The following ROR2 variants were observed in gnomAD, a reference collection of about 807,000 sequenced individuals.
The protein encoded by ROR2 is ROR family WNT receptor 2, also known as tyrosine-protein kinase transmembrane receptor ROR2.
Under a neutral mutation model 74.9 loss-of-function variants are expected in ROR2, and 33 were observed. The ratio of observed to expected loss-of-function variants is 0.44; its 90% CI spans 0.33 to 0.59. The LOEUF is 0.59. Ranked by LOEUF, ROR2 falls within the 20% of genes least tolerant of loss-of-function variation. The pLI, the probability that ROR2 is intolerant of heterozygous loss-of-function variation, is 0.02. For synonymous variants in ROR2, 586 were observed against 558.7 expected, an observed-to-expected ratio of 1.05 and a Z score of -0.69; for missense variants, 1,216 against 1,313.8, an observed-to-expected ratio of 0.93 and a Z score of 1.15.
chr9:91,743,148 A>G (rs1825302825), intron 4 of ROR2, among the ~76,000 whole-genome samples: 1 of 152,238 alleles, frequency 6.6e-6, no homozygotes, highest in Non-Finnish European at 1.5e-5. Flanking sequence ...ATGACTGTAT[A>G]ACAGAGTGGA....
At chr9:91,909,012 T>G (rs972568283) in intron 1 of ROR2, among the ~76,000 whole-genome samples, 7 of 152,172 alleles carry the variant, frequency 4.6e-5, no homozygotes, top group Non-Finnish European at 8.8e-5. Context: ...GAAACCACAA[T>G]GACCCCAAAC....
intron 4 of ROR2, among the ~76,000 whole-genome samples, chr9:91,753,780 A>G (rs1229940830): frequency 6.6e-6 from 1 of 152,244 alleles, no homozygotes; most frequent in African/African-American, 2.4e-5. Context: ...ACTGTTAACT[A>G]AACATGTCAA....
At chr9:91,904,932 A>G (rs1830773824) in intron 1 of ROR2, among the ~76,000 whole-genome samples, 1 of 152,028 alleles carries the variant, frequency 6.6e-6, no homozygotes, top group African/African-American at 2.4e-5. Flanking sequence ...CCACACACAC[A>G]GCACATACAC....
intron 1 of ROR2, among the ~76,000 whole-genome samples, chr9:91,819,560 T>C (rs1828068408): frequency 6.6e-6 from 1 of 151,700 alleles, no homozygotes; most frequent in Admixed American, 6.6e-5. Flanking sequence ...TATCTTTGTG[T>C]GTGTCTGAAT....
intron 2 of ROR2, among the ~76,000 whole-genome samples, chr9:91,763,379 G>C (rs1361391860): frequency 6.6e-6 from 1 of 152,172 alleles, no homozygotes; most frequent in Non-Finnish European, 1.5e-5. Flanking sequence ...ATAGAGTCTT[G>C]AAATCTTTCA....
Position 91,782,520 on chromosome 9 carries a change from C to T in ROR2, c.98-6702G>A, listed in dbSNP as rs112729484. On this transcript the variant is annotated intron_variant, in intron 1 of 8. Transcript: ENST00000375708. The stretch of plus-strand genomic sequence containing the variant: ...AATCTTTTGGCTTCCCTGGGCCACA[C>T]TGGAAGAAGAATAATTGTCTTGGGC... Among the ~76,000 whole-genome samples the T allele has an allele frequency of 4.8e-5, 7 of 144,578 alleles. 2 individuals carry two copies. Among genetic ancestry groups the T allele is most frequent in the African/African-American group, 1.8e-4 (7 of 38,700 alleles). 94.8% of individuals were successfully genotyped at this position (144,578 alleles called of 152,430 possible). A position where few individuals can be genotyped will look rare whatever the true frequency, so the allele number is the denominator to read the frequency against.
At chr9:91,949,034 C>T (rs1832093219) in intron 1 of ROR2, 1 of 728,384 alleles carries the variant, frequency 1.4e-6, no homozygotes, top group Non-Finnish European at 1.7e-6. Context: ...CGCAGGGACT[C>T]GGGGGAAGTG....
intron 2 of ROR2, among the ~76,000 whole-genome samples, chr9:91,774,214 A>G (rs1470634249): frequency 6.6e-6 from 1 of 152,206 alleles, no homozygotes; most frequent in Non-Finnish European, 1.5e-5. Context: ...AACATCCTAC[A>G]GAGGATGGAA....
At chr9:91,857,923 G>C (rs61160043) in intron 1 of ROR2, among the ~76,000 whole-genome samples, 17,810 of 152,236 alleles carry the variant, frequency 0.12, 2,275 homozygotes, top group African/African-American at 0.32. Flanking sequence ...GAAATGAACA[G>C]GAGAAAATAA....
At chr9:91,892,343 A>T (rs1830441087) in intron 1 of ROR2, among the ~76,000 whole-genome samples, 1 of 152,348 alleles carries the variant, frequency 6.6e-6, no homozygotes, top group African/African-American at 2.4e-5. Context: ...AGGGCAGAGC[A>T]GCCTGGGACA....
intron 2 of ROR2, among the ~76,000 whole-genome samples, chr9:91,762,596 A>T (rs1194146747): frequency 2.6e-5 from 4 of 152,224 alleles, no homozygotes; most frequent in Admixed American, 1.3e-4. Flanking sequence ...TTGAACACTT[A>T]AAAAAAATTC....
chr9:91,833,887 G>C (rs1386630847), intron 1 of ROR2, among the ~76,000 whole-genome samples: 3 of 152,150 alleles, frequency 2.0e-5, no homozygotes, highest in Non-Finnish European at 4.4e-5. Context: ...CCCCAGCCCA[G>C]TGTTCAGGGA....
chr9:91,892,594 T>TC (rs1211059921), intron 1 of ROR2, among the ~76,000 whole-genome samples: 5 of 144,418 alleles, frequency 3.5e-5, no homozygotes, highest in Non-Finnish European at 7.5e-5. Context: ...TCTTTTCTTT[T>TC]TTTTTTTTTT....
intron 1 of ROR2, among the ~76,000 whole-genome samples, chr9:91,910,982 A>G (rs1391660889): frequency 6.6e-6 from 1 of 152,218 alleles, no homozygotes. Context: ...AATACTTTTA[A>G]TAATATAGAA....
chr9:91,835,082 A>T (rs1828571538), intron 1 of ROR2, among the ~76,000 whole-genome samples: 1 of 148,992 alleles, frequency 6.7e-6, no homozygotes, highest in African/African-American at 2.6e-5. Context: ...GAAGATGCCT[A>T]AAGAGACCCC....
chr9:91,891,761 A>G (rs1340758511), intron 1 of ROR2, among the ~76,000 whole-genome samples: 1 of 152,144 alleles, frequency 6.6e-6, no homozygotes, highest in Middle Eastern at 3.2e-3. Flanking sequence ...TAAAGCCAGC[A>G]CAGGGGCTGG....
intron 1 of ROR2, among the ~76,000 whole-genome samples, chr9:91,892,978 G>A (rs759632019): frequency 2.0e-5 from 3 of 152,154 alleles, no homozygotes; most frequent in African/African-American, 4.8e-5. Context: ...ATTTTTAAAC[G>A]TCTGCTCAAC....
At chr9:91,808,722 G>T (rs948773844) in intron 1 of ROR2, among the ~76,000 whole-genome samples, 22 of 152,072 alleles carry the variant, frequency 1.4e-4, no homozygotes. Context: ...ACTTTCGGAG[G>T]CCGAGGAGGG....
chr9:91,865,524 C>G (rs1829605226), intron 1 of ROR2, among the ~76,000 whole-genome samples: 1 of 152,088 alleles, frequency 6.6e-6, no homozygotes, highest in African/African-American at 2.4e-5. Context: ...AAAAGCACAC[C>G]AAGTAATCAA....
Sources: gnomAD v4.1 joint callset for allele counts (sites outside exome capture counted in the v4.1 genomes callset) on GRCh38, gnomAD v4.1.1 for gene constraint, MANE v1.5 for transcripts, NCBI Gene and HGNC (gene_info 2026-07-23, HGNC 2026-07-21) for gene names.